CDADC1: variants seen among roughly 807,000 people sequenced by gnomAD.
CDADC1 encodes dCTP deaminase.
Under a neutral mutation model 54.9 loss-of-function variants are expected in CDADC1, and 39 were observed. The ratio of observed to expected loss-of-function variants is 0.71; its 90% CI spans 0.55 to 0.93. CDADC1 has a LOEUF of 0.93. Among genes scored for constraint, CDADC1 ranks in the 40% least tolerant of loss-of-function variants. The probability of loss-of-function intolerance (pLI) is 0.00; values close to 1 mark genes in which losing one functional copy is unlikely to be tolerated. For missense variants in CDADC1, 518 were observed against 618.8 expected (o/e 0.84, Z 1.73); for synonymous variants, 186 against 204.0 (o/e 0.91, Z 0.75).
Position 49,256,077 on chromosome 13 carries a change from T to A in CDADC1, c.252+164T>A, listed in dbSNP as rs201935460. The stretch of plus-strand genomic sequence containing the variant: ...CAAGACTATATGTCACTCCTTTTTT[T>A]TAAAAAAAAAAGTACAGATGGGATT... On this transcript the variant is annotated intron_variant, in intron 3 of 9. Coordinates refer to ENST00000251108, the MANE Select transcript of CDADC1 (RefSeq NM_030911.4). Among the ~76,000 whole-genome samples, 209 of 139,426 alleles carry A rather than the reference T, an allele frequency of 1.5e-3. 1 individual carries two copies. The highest frequency in any genetic ancestry group is 4.7e-3 in the African/African-American group (188 of 40,318). The allele number at this position is 139,426 out of a possible 152,430, so 91.5% of individuals were successfully genotyped here.
At chr13:49,277,667 A>T (rs930661438) in intron 6 of CDADC1, among the ~76,000 whole-genome samples, 4 of 152,190 alleles carry the variant, frequency 2.6e-5, no homozygotes, top group Admixed American at 2.0e-4. Flanking sequence ...CACACACATT[A>T]CTAATATTTC....
In CDADC1 at chr13:49,286,331, A is replaced by C. The variant is rs1230665647; in HGVS notation, c.1471+49A>C. On this transcript the variant is annotated intron_variant, in intron 9 of 9. Coordinates refer to ENST00000251108, the MANE Select transcript of CDADC1 (RefSeq NM_030911.4). Reference sequence around the variant, plus strand: ...AACTTTGTTGCTGAGGAGAAAGGATATACAGTGAATTTTAATGATCAGGTG... The same window carrying C: ...AACTTTGTTGCTGAGGAGAAAGGATCTACAGTGAATTTTAATGATCAGGTG... 3.8e-6 allele frequency: 5 copies of C among 1,298,962 alleles called. No individual in the cohort carries two copies. In the African/African-American group the frequency reaches 4.4e-5, roughly 11 times the overall value. 80.5% of individuals were successfully genotyped at this position (1,298,962 alleles called of 1,614,324 possible).
intron 7 of CDADC1, among the ~76,000 whole-genome samples, chr13:49,279,430 C>G (rs1324870359): frequency 6.6e-6 from 1 of 152,138 alleles, no homozygotes; most frequent in Non-Finnish European, 1.5e-5. Context: ...TTGCTTCTAG[C>G]ATAAGCAACG....
chr13:49,281,341 G>A (rs1953328055), intron 8 of CDADC1, among the ~76,000 whole-genome samples: 1 of 152,154 alleles, frequency 6.6e-6, no homozygotes, highest in Admixed American at 6.5e-5. Context: ...TAGAGAGGTG[G>A]ATAGAGGTGA....
intron 4 of CDADC1, 66 bp from the exon 5 acceptor site, chr13:49,267,424 A>C: frequency 1.5e-6 from 2 of 1,296,936 alleles, no homozygotes; most frequent in Admixed American, 4.1e-5. Context: ...GATAGGGTGG[A>C]TTTTATAATG....
At chr13:49,249,072 G>T in intron 2 of CDADC1, 107 bp downstream of exon 2, 1 of 693,328 alleles carries the variant, frequency 1.4e-6, no homozygotes. Context: ...CAAGGCTTAA[G>T]ATTTAAAAAA....
chr13:49,290,418 T>G (rs1026724331), intron 9 of CDADC1, among the ~76,000 whole-genome samples: 27 of 152,054 alleles, frequency 1.8e-4, no homozygotes, highest in Middle Eastern at 3.5e-3. Context: ...ACATTATATA[T>G]AGAGAGAGAG....
At chr13:49,249,070 A>G (rs1952361913) in intron 2 of CDADC1, 105 bp downstream of exon 2, 3 of 695,914 alleles carry the variant, frequency 4.3e-6, no homozygotes, top group Non-Finnish European at 7.7e-6. Context: ...AACAAGGCTT[A>G]AGATTTAAAA....
At chr13:49,284,285 TAAA>T (rs1953442858) in intron 8 of CDADC1, among the ~76,000 whole-genome samples, 1 of 152,144 alleles carries the variant, frequency 6.6e-6, no homozygotes, top group Admixed American at 6.5e-5. Context: ...ACTAGGAAAA[TAAA>T]AAAGAACGTG....
chr13:49,283,411 A>G (rs2138262045), intron 8 of CDADC1, among the ~76,000 whole-genome samples: 1 of 152,288 alleles, frequency 6.6e-6, no homozygotes, highest in Non-Finnish European at 1.5e-5. Context: ...ATAAAAGCTT[A>G]TATCCAACTA....
At chr13:49,278,010 T>G (rs1398623319) in intron 6 of CDADC1, among the ~76,000 whole-genome samples, 1 of 152,182 alleles carries the variant, frequency 6.6e-6, no homozygotes, top group Non-Finnish European at 1.5e-5. Flanking sequence ...ATATATAACA[T>G]GGTTTCTGCT....
Position 49,248,098 on chromosome 13 carries a change from A to G in CDADC1, c.61A>G (p.Thr21Ala). 1.3e-6 allele frequency: 2 copies of G among 1,552,696 alleles called. No homozygotes were observed. Among genetic ancestry groups the G allele is most frequent in the Non-Finnish European group, 1.7e-6 (2 of 1,147,724 alleles). The change falls in exon 1 of 10, where the codon ACC (threonine) becomes GCC (alanine). Residue 21 changes from threonine to alanine, a missense_variant. Thr to Ala is a moderately conservative substitution (Grantham distance 58). Coordinates refer to ENST00000251108, the MANE Select transcript of CDADC1 (RefSeq NM_030911.4). ...ESARAGRSVS[T>A]QTGSMTGQIP... is the part of the protein sequence containing the mutation. The stretch of plus-strand genomic sequence containing the variant: ...CGCGAGGGCCGGGCGGTCAGTCAGC[A>G]CCCAGACTGGCAGCATGACCGGTGA...
Position 49,247,942 on chromosome 13 carries a change from C to A in CDADC1, c.-96C>A. ...CTGCGCCTAGTGGGCCGTTGCCTTA[C>A]AGTTGCTGAGAGGAGGCGAGAGGCG... On this transcript the variant is annotated 5_prime_UTR_variant, in exon 1 of 10. Coordinates refer to ENST00000251108, the MANE Select transcript of CDADC1 (RefSeq NM_030911.4). The A allele has an allele frequency of 8.9e-7, 1 of 1,121,044 alleles. No individual in the cohort carries two copies. The highest frequency in any genetic ancestry group is 1.3e-6 in the Non-Finnish European group (1 of 758,136). 69.4% of individuals were successfully genotyped at this position (1,121,044 alleles called of 1,614,324 possible). A position where few individuals can be genotyped will look rare whatever the true frequency, so the allele number is the denominator to read the frequency against.
chr13:49,250,797 C>A (rs1009911159), intron 2 of CDADC1, among the ~76,000 whole-genome samples: 1 of 152,094 alleles, frequency 6.6e-6, no homozygotes, highest in Non-Finnish European at 1.5e-5. Flanking sequence ...GTTTCCTCCC[C>A]CAATTCCTAT....
intron 2 of CDADC1, among the ~76,000 whole-genome samples, chr13:49,254,811 C>A (rs946731452): frequency 6.6e-6 from 1 of 152,178 alleles, no homozygotes; most frequent in Non-Finnish European, 1.5e-5. Context: ...GTGAGAGCTG[C>A]ATCTTGAGCA....
intron 2 of CDADC1, among the ~76,000 whole-genome samples, chr13:49,254,141 T>C (rs1244842132): frequency 6.6e-6 from 1 of 152,138 alleles, no homozygotes; most frequent in Non-Finnish European, 1.5e-5. Flanking sequence ...GGTACTGTTA[T>C]TATCATCACT....
chr13:49,260,718 A>AT (rs1359380043), intron 4 of CDADC1, among the ~76,000 whole-genome samples: 4 of 152,204 alleles, frequency 2.6e-5, no homozygotes, highest in Admixed American at 2.6e-4. Flanking sequence ...TTGCATAGGC[A>AT]TCATGGTAGA....
At position 49,274,344 on chromosome 13, in the gene CDADC1, A is replaced by T. The variant is rs1953044158; in HGVS notation, c.1050+4A>T. On this transcript the variant is annotated splice_donor_region_variant and intron_variant, in intron 6 of 9. Coordinates refer to ENST00000251108, the MANE Select transcript of CDADC1 (RefSeq NM_030911.4). Reference sequence around the variant, plus strand: ...CATTTGGGCAGAAGGGAAATCTGTAAGTATGAAAACAATTCTTTAAATATT... The same window carrying T: ...CATTTGGGCAGAAGGGAAATCTGTATGTATGAAAACAATTCTTTAAATATT... The T allele has an allele frequency of 6.2e-7, 1 of 1,607,252 alleles. No individual in the cohort carries two copies. Among genetic ancestry groups the T allele is most frequent in the South Asian group, 1.1e-5 (1 of 90,802 alleles).
At chr13:49,282,565 C>G (rs1953381800) in intron 8 of CDADC1, among the ~76,000 whole-genome samples, 2 of 152,162 alleles carry the variant, frequency 1.3e-5, no homozygotes, top group African/African-American at 4.8e-5. Flanking sequence ...ATAATTACAA[C>G]CATAAAAATC....
Sources: allele counts gnomAD v4.1 joint callset (sites outside exome capture counted in the v4.1 genomes callset), GRCh38; gene constraint gnomAD v4.1.1; transcripts MANE v1.5; gene names NCBI Gene and HGNC (gene_info 2026-07-23, HGNC 2026-07-21).